DENND1A: variants seen among roughly 807,000 people sequenced by gnomAD.
The protein encoded by DENND1A is DENN domain containing 1A.
In DENND1A, 51 loss-of-function variants were observed where a neutral mutation model predicts 113.7. The ratio of observed to expected loss-of-function variants is 0.45; its 90% CI spans 0.36 to 0.57. DENND1A has a LOEUF of 0.57. Ranked by LOEUF, DENND1A falls within the 20% of genes least tolerant of loss-of-function variation. DENND1A has a pLI of 0.00. For missense variants in DENND1A, 1,258 were observed against 1,395.9 expected (o/e 0.90, Z 1.57); for synonymous variants, 565 against 570.8 (o/e 0.99, Z 0.14).
intron 5 of DENND1A, among the ~76,000 whole-genome samples, chr9:123,718,224 G>A (rs931984286): frequency 6.6e-6 from 1 of 152,166 alleles, no homozygotes; most frequent in Non-Finnish European, 1.5e-5. Context: ...CCAGGTAGAC[G>A]TACTAATGTA....
intron 5 of DENND1A, among the ~76,000 whole-genome samples, chr9:123,725,326 C>T (rs7034274): frequency 0.075 from 11,484 of 152,216 alleles, 885 homozygotes; most frequent in African/African-American, 0.2. Flanking sequence ...TGGCTCAGGT[C>T]TTTGATGTGA....
chr9:123,662,244 C>G (rs2063278093), intron 8 of DENND1A, among the ~76,000 whole-genome samples: 1 of 152,164 alleles, frequency 6.6e-6, no homozygotes, highest in South Asian at 2.1e-4. Context: ...AATTTCCAAC[C>G]TAGAGTTCTA....
chr9:123,668,719 A>G (rs1333275304), intron 7 of DENND1A, among the ~76,000 whole-genome samples: 4 of 152,248 alleles, frequency 2.6e-5, no homozygotes, highest in South Asian at 2.1e-4. Context: ...TATAAAAAAG[A>G]TAACTTAAAA....
At chr9:123,441,028 G>A (rs1030642156) in intron 18 of DENND1A, among the ~76,000 whole-genome samples, 4 of 151,936 alleles carry the variant, frequency 2.6e-5, no homozygotes, top group African/African-American at 9.7e-5. Flanking sequence ...CATTCAAAAT[G>A]CCAGTGATAT....
intron 2 of DENND1A, among the ~76,000 whole-genome samples, chr9:123,851,435 TA>T (rs1351134408): frequency 2.6e-5 from 4 of 152,168 alleles, no homozygotes; most frequent in African/African-American, 9.6e-5. Flanking sequence ...CTCCAGACAA[TA>T]AATGATGTTA....
intron 1 of DENND1A, among the ~76,000 whole-genome samples, chr9:123,928,330 G>GT (rs1857446016): frequency 6.6e-6 from 1 of 152,210 alleles, no homozygotes; most frequent in African/African-American, 2.4e-5. Flanking sequence ...AACAAGAAGG[G>GT]TAAGTGTCCT....
intron 9 of DENND1A, among the ~76,000 whole-genome samples, chr9:123,636,701 T>TTC (rs1417816863): frequency 6.7e-6 from 1 of 149,254 alleles, no homozygotes; most frequent in African/African-American, 2.5e-5. Flanking sequence ...ACCAGACTTT[T>TTC]TTTTTTTTTT....
chr9:123,834,494 CTGA>C (rs1389000903), intron 2 of DENND1A, among the ~76,000 whole-genome samples: 1 of 152,092 alleles, frequency 6.6e-6, no homozygotes, highest in Non-Finnish European at 1.5e-5. Flanking sequence ...TGTGAAATAC[CTGA>C]TTTCTATTTT....
Position 123,583,193 on chromosome 9 carries a change from G to A in DENND1A, c.843C>T (p.Asp281=), listed in dbSNP as rs1281032567. The change falls in exon 12 of 24, where the codon GAC becomes GAT. Residue 281 remains aspartate (D), a synonymous_variant. Coordinates refer to ENST00000394215, the MANE Select transcript of DENND1A (RefSeq NM_001352964.2). ...CCACGTCGTTTGGGAGGCTCTGGAG[G>A]TCATCGAAGGGGGTTTCCAGGGTGT... ...DTNTLETPFD[D]LQSLPNDVIS... is the part of the protein sequence containing the mutation. The A allele has an allele frequency of 1.2e-6, 2 of 1,612,980 alleles. No individual in the cohort carries two copies. The highest frequency in any genetic ancestry group is 2.2e-5 in the East Asian group (1 of 44,810).
chr9:123,785,335 G>A (rs1831969650), intron 3 of DENND1A, among the ~76,000 whole-genome samples: 1 of 152,216 alleles, frequency 6.6e-6, no homozygotes, highest in East Asian at 1.9e-4. Flanking sequence ...CTGGGTGACA[G>A]ACTGAGATGA....
chr9:123,577,111 G>A (rs997642586), intron 12 of DENND1A, among the ~76,000 whole-genome samples: 1 of 151,908 alleles, frequency 6.6e-6, no homozygotes, highest in Non-Finnish European at 1.5e-5. Context: ...CCAGTTGCAA[G>A]TATGTTAGCC....
chr9:123,811,647 T>G (rs1243660261), intron 2 of DENND1A, among the ~76,000 whole-genome samples: 1 of 151,990 alleles, frequency 6.6e-6, no homozygotes, highest in African/African-American at 2.4e-5. Flanking sequence ...TAGTCCTAGC[T>G]ACTTGGGAGG....
chr9:123,887,678 A>G (rs1373372585), intron 1 of DENND1A, among the ~76,000 whole-genome samples: 1 of 151,810 alleles, frequency 6.6e-6, no homozygotes, highest in Non-Finnish European at 1.5e-5. Context: ...TCAGAGTCCA[A>G]GCAGGGCAGT....
intron 2 of DENND1A, among the ~76,000 whole-genome samples, chr9:123,846,057 C>T (rs1416818500): frequency 6.6e-6 from 1 of 152,138 alleles, no homozygotes; most frequent in Non-Finnish European, 1.5e-5. Context: ...ATAGGTATTT[C>T]TCCACAGAAA....
intron 5 of DENND1A, among the ~76,000 whole-genome samples, chr9:123,696,135 A>T (rs933437374): frequency 1.3e-5 from 2 of 152,222 alleles, no homozygotes; most frequent in African/African-American, 4.8e-5. Flanking sequence ...ATGTTGCTAC[A>T]TTCATTTACC....
chr9:123,552,418 G>A (rs2057146806), intron 13 of DENND1A, among the ~76,000 whole-genome samples: 1 of 152,256 alleles, frequency 6.6e-6, no homozygotes, highest in African/African-American at 2.4e-5. Context: ...TAACTGCTCA[G>A]GGTCCAGGGA....
chr9:123,663,723 C>T (rs2063358330), intron 8 of DENND1A, among the ~76,000 whole-genome samples: 2 of 151,626 alleles, frequency 1.3e-5, no homozygotes, highest in Admixed American at 6.6e-5. Flanking sequence ...TCTTTTACAA[C>T]AAAATATTTG....
chr9:123,733,400 C>G (rs995761372), intron 5 of DENND1A, among the ~76,000 whole-genome samples: 1 of 152,018 alleles, frequency 6.6e-6, no homozygotes, highest in Admixed American at 6.5e-5. Context: ...CCATCTCAGC[C>G]TCCTAAGTAA....
chr9:123,672,919 T>C (rs2063835884), intron 6 of DENND1A, among the ~76,000 whole-genome samples: 1 of 152,246 alleles, frequency 6.6e-6, no homozygotes, highest in Non-Finnish European at 1.5e-5. Context: ...CCTCAAGTTT[T>C]GCCAACTGTG....
Sources: gnomAD v4.1 joint callset for allele counts (sites outside exome capture counted in the v4.1 genomes callset) on GRCh38, gnomAD v4.1.1 for gene constraint, MANE v1.5 for transcripts, NCBI Gene and HGNC (gene_info 2026-07-23, HGNC 2026-07-21) for gene names.